Variants in DLG2 observed in about 807,000 individuals in gnomAD.
The protein encoded by DLG2 is disks large homolog 2.
Under a neutral mutation model 132.5 loss-of-function variants are expected in DLG2, and 45 were observed. That is an observed-to-expected ratio of 0.34 (90% CI 0.27 to 0.44). The LOEUF (loss-of-function observed/expected upper bound fraction) is 0.44. DLG2 is among the 20% of genes least tolerant of loss of function. The pLI, the probability that DLG2 is intolerant of heterozygous loss-of-function variation, is 1.00. For synonymous variants in DLG2, 424 were observed against 419.6 expected, an observed-to-expected ratio of 1.01 and a Z score of -0.13; for missense variants, 1,045 against 1,196.9, an observed-to-expected ratio of 0.87 and a Z score of 1.87.
chr11:83,610,606 A>G (rs1273273121), intron 19 of DLG2, among the ~76,000 whole-genome samples: 1 of 152,152 alleles, frequency 6.6e-6, no homozygotes, highest in South Asian at 2.1e-4. Flanking sequence ...AGCACATTCA[A>G]TCTGCCTAGA....
intron 6 of DLG2, among the ~76,000 whole-genome samples, chr11:84,749,414 T>C (rs926785229): frequency 1.3e-5 from 2 of 152,198 alleles, no homozygotes; most frequent in African/African-American, 4.8e-5. Context: ...GCATATAAGA[T>C]AGTGGTCTCA....
At chr11:83,574,819 G>A (rs2096849959) in intron 19 of DLG2, among the ~76,000 whole-genome samples, 1 of 152,146 alleles carries the variant, frequency 6.6e-6, no homozygotes, top group African/African-American at 2.4e-5. Flanking sequence ...TCCTATGTCA[G>A]CACAGCTAAA....
intron 6 of DLG2, among the ~76,000 whole-genome samples, chr11:85,041,005 C>G (rs904739572): frequency 4.6e-5 from 7 of 151,948 alleles, no homozygotes; most frequent in African/African-American, 1.4e-4. Context: ...TATATTGCCT[C>G]TCAACTTCAT....
At chr11:85,034,202 C>T (rs993418703) in intron 6 of DLG2, among the ~76,000 whole-genome samples, 3 of 151,864 alleles carry the variant, frequency 2.0e-5, no homozygotes, top group Non-Finnish European at 2.9e-5. Flanking sequence ...CTCAGCCTCC[C>T]GAGTAGCTGG....
chr11:83,754,232 C>A (rs917318271), intron 18 of DLG2, among the ~76,000 whole-genome samples: 1 of 150,834 alleles, frequency 6.6e-6, no homozygotes, highest in African/African-American at 2.5e-5. Flanking sequence ...CTGTTAAAAT[C>A]AATTGTGCCC....
intron 6 of DLG2, among the ~76,000 whole-genome samples, chr11:84,606,789 G>C (rs562659140): frequency 8.0e-4 from 121 of 152,140 alleles, no homozygotes; most frequent in African/African-American, 2.8e-3. Context: ...GGAAGAAAAA[G>C]GTCATAGGAG....
At chr11:84,601,230 AACACAC>A (rs147136019) in intron 6 of DLG2, among the ~76,000 whole-genome samples, 104 of 151,278 alleles carry the variant, frequency 6.9e-4, no homozygotes, top group African/African-American at 2.5e-3. Context: ...ATTGTTTTGA[AACACAC>A]ACACACACAC....
intron 4 of DLG2, among the ~76,000 whole-genome samples, chr11:85,249,499 TC>T (rs2152692432): frequency 6.6e-6 from 1 of 152,162 alleles, no homozygotes. Context: ...AGGCTTAAAA[TC>T]TAATTGTTCT....
chr11:83,657,841 A>C (rs2073117412), intron 18 of DLG2, among the ~76,000 whole-genome samples: 1 of 152,132 alleles, frequency 6.6e-6, no homozygotes, highest in South Asian at 2.1e-4. Flanking sequence ...CGCCCAGCCT[A>C]TATTGTCTAT....
intron 3 of DLG2, among the ~76,000 whole-genome samples, chr11:85,409,045 G>T (rs1353847209): frequency 6.6e-6 from 1 of 151,886 alleles, no homozygotes; most frequent in South Asian, 2.1e-4. Flanking sequence ...AAAGAAAATT[G>T]AGTCATTGAG....
At chr11:84,032,385 A>T (rs1024141241) in intron 11 of DLG2, among the ~76,000 whole-genome samples, 1 of 152,218 alleles carries the variant, frequency 6.6e-6, no homozygotes, top group South Asian at 2.1e-4. Flanking sequence ...GTCGAGATAA[A>T]TATCAAACTA....
chr11:85,047,823 C>A (rs758690058), intron 6 of DLG2, among the ~76,000 whole-genome samples: 1 of 151,880 alleles, frequency 6.6e-6, no homozygotes, highest in Non-Finnish European at 1.5e-5. Flanking sequence ...ATCCTAAATA[C>A]AGTTTTGCAA....
chr11:85,164,089 T>C (rs950496819), intron 4 of DLG2, among the ~76,000 whole-genome samples: 3 of 152,130 alleles, frequency 2.0e-5, no homozygotes, highest in Non-Finnish European at 4.4e-5. Flanking sequence ...AAGAAATGTA[T>C]AGTGAATAAA....
chr11:84,762,885 G>T (rs1289128832), intron 6 of DLG2, among the ~76,000 whole-genome samples: 1 of 152,102 alleles, frequency 6.6e-6, no homozygotes, highest in Non-Finnish European at 1.5e-5. Context: ...TCCTATGGGA[G>T]GAGGCAGGGT....
intron 3 of DLG2, among the ~76,000 whole-genome samples, chr11:85,362,247 G>A (rs1281478554): frequency 6.6e-6 from 1 of 152,170 alleles, no homozygotes; most frequent in Non-Finnish European, 1.5e-5. Flanking sequence ...AAGCTATCAT[G>A]CCCAGCCTCC....
At chr11:85,031,993 T>A (rs2061045283) in intron 6 of DLG2, among the ~76,000 whole-genome samples, 1 of 120,134 alleles carries the variant, frequency 8.3e-6, no homozygotes, top group East Asian at 2.9e-4. Context: ...GTAGAGGTGG[T>A]GTTTCACTAT....
intron 6 of DLG2, among the ~76,000 whole-genome samples, chr11:84,871,016 G>GT (rs1301554780): frequency 3.9e-5 from 6 of 152,168 alleles, no homozygotes; most frequent in African/African-American, 9.7e-5. Flanking sequence ...TATGTATCAT[G>GT]ATTGCAGCTA....
intron 6 of DLG2, among the ~76,000 whole-genome samples, chr11:84,563,561 A>G (rs1272715537): frequency 1.3e-5 from 2 of 152,232 alleles, no homozygotes; most frequent in East Asian, 3.8e-4. Flanking sequence ...GTCAGAGCAC[A>G]GGGCAAAATG....
At chr11:84,219,646 T>C (rs945279006) in intron 8 of DLG2, among the ~76,000 whole-genome samples, 21 of 152,326 alleles carry the variant, frequency 1.4e-4, no homozygotes, top group Non-Finnish European at 2.9e-5. Flanking sequence ...AGATGTTTTC[T>C]TTCCCTAGAA....
Sources: allele counts gnomAD v4.1 joint callset (sites outside exome capture counted in the v4.1 genomes callset), GRCh38; gene constraint gnomAD v4.1.1; transcripts MANE v1.5; gene names NCBI Gene and HGNC (gene_info 2026-07-23, HGNC 2026-07-21).